Variants in BACE2 observed in about 807,000 individuals in gnomAD.
BACE2 encodes the protein 56 kDa aspartic-like protease.
In BACE2, 17 loss-of-function variants were observed where a neutral mutation model predicts 46.2. That is an observed-to-expected ratio of 0.37 (90% CI 0.25 to 0.55). The LOEUF is 0.55. Ranked by LOEUF, BACE2 falls within the 20% of genes least tolerant of loss-of-function variation. BACE2 has a pLI of 0.82. For missense variants in BACE2, 595 were observed against 698.1 expected, an observed-to-expected ratio of 0.85 and a Z score of 1.66; for synonymous variants, 277 against 295.9, an observed-to-expected ratio of 0.94 and a Z score of 0.66.
At chr21:41,253,496 G>A (rs1247369263) in intron 7 of BACE2, among the ~76,000 whole-genome samples, 2 of 151,716 alleles carry the variant, frequency 1.3e-5, no homozygotes, top group African/African-American at 4.8e-5. Flanking sequence ...GGCTAGTAGA[G>A]CGGCAAAATG....
intron 2 of BACE2, among the ~76,000 whole-genome samples, chr21:41,231,845 C>G (rs1056531591): frequency 2.0e-5 from 3 of 151,996 alleles, no homozygotes; most frequent in Non-Finnish European, 4.4e-5. Context: ...GCATTTTAGT[C>G]GCAAGAGGTG....
At chr21:41,259,807 GTTTTCTTTT>G (rs1732850678) in intron 8 of BACE2, among the ~76,000 whole-genome samples, 1 of 148,528 alleles carries the variant, frequency 6.7e-6, no homozygotes, top group South Asian at 2.1e-4. Flanking sequence ...TCTTTCTTTT[GTTTTCTTTT>G]TTTTCTTTTT....
intron 1 of BACE2, among the ~76,000 whole-genome samples, chr21:41,188,710 A>T (rs1173012140): frequency 6.6e-6 from 1 of 152,246 alleles, no homozygotes; most frequent in Non-Finnish European, 1.5e-5. Context: ...CATAAGGAAC[A>T]ATAGATAAGA....
At chr21:41,187,177 A>G (rs957615679) in intron 1 of BACE2, among the ~76,000 whole-genome samples, 5 of 152,198 alleles carry the variant, frequency 3.3e-5, no homozygotes, top group African/African-American at 1.2e-4. Context: ...GAGAGGTGAC[A>G]TCAGATAGAT....
intron 1 of BACE2, among the ~76,000 whole-genome samples, chr21:41,222,964 G>A (rs1986702003): frequency 6.6e-6 from 1 of 152,194 alleles, no homozygotes; most frequent in Non-Finnish European, 1.5e-5. Flanking sequence ...GGGGCAGCTG[G>A]AGCTCAATTC....
chr21:41,277,411 C>T lies in BACE2; in HGVS notation c.*1787C>T, dbSNP rs1231631619. On this transcript the variant is annotated 3_prime_UTR_variant, in exon 9 of 9. Coordinates refer to ENST00000330333, the MANE Select transcript of BACE2 (RefSeq NM_012105.5). ...GAACGGGAGGAGGGGGCTCTTGTAT[C>T]AGGGCCCGTTGTCACATCCGCTCTC... The T allele has an allele frequency of 6.6e-6, 1 of 152,192 alleles. No individual in the cohort carries two copies. The highest frequency in any genetic ancestry group is 1.5e-5 in the Non-Finnish European group (1 of 68,056). 9.4% of individuals were successfully genotyped at this position (152,192 alleles called of 1,614,324 possible).
intron 8 of BACE2, among the ~76,000 whole-genome samples, chr21:41,259,582 G>A (rs1018143686): frequency 6.7e-6 from 1 of 149,996 alleles, no homozygotes; most frequent in African/African-American, 2.5e-5. Flanking sequence ...TTAAAAATTT[G>A]TCTTAGAAAT....
At chr21:41,208,149 C>G (rs778434123) in intron 1 of BACE2, among the ~76,000 whole-genome samples, 19 of 152,208 alleles carry the variant, frequency 1.2e-4, no homozygotes, top group Non-Finnish European at 2.8e-4. Flanking sequence ...TCACGACCCA[C>G]ATGTAAGAAT....
At chr21:41,236,714 C>CA in intron 2 of BACE2, 1 of 152,362 alleles carries the variant, frequency 6.6e-6, no homozygotes, top group African/African-American at 2.4e-5. Flanking sequence ...TGAACCTGAA[C>CA]TCCAGCTGCT....
At chr21:41,226,401 G>T (rs781693501) in intron 2 of BACE2, 47 bp downstream of exon 2, 2 of 1,514,082 alleles carry the variant, frequency 1.3e-6, no homozygotes, top group South Asian at 2.4e-5. Flanking sequence ...GGCACTGCAT[G>T]ATCAACATGC....
chr21:41,178,459 G>T (rs1164137365), intron 1 of BACE2: 2 of 152,282 alleles, frequency 1.3e-5, no homozygotes, highest in African/African-American at 2.4e-5. Context: ...CATTGGCTGG[G>T]TGTGGCGGCT....
intron 2 of BACE2, among the ~76,000 whole-genome samples, chr21:41,235,885 T>C (rs1338408993): frequency 6.7e-6 from 1 of 150,268 alleles, no homozygotes; most frequent in Non-Finnish European, 1.5e-5. Flanking sequence ...AATGAACAAA[T>C]GATCATGTCA....
chr21:41,195,097 A>G (rs1277730702), intron 1 of BACE2, among the ~76,000 whole-genome samples: 2 of 152,222 alleles, frequency 1.3e-5, no homozygotes, highest in Admixed American at 6.5e-5. Flanking sequence ...CTGGCCAGCT[A>G]CCTGTTTTTA....
Position 41,246,093 on chromosome 21 carries a change from G to A in BACE2, c.984+30G>A, listed in dbSNP as rs754754127. On this transcript the variant is annotated intron_variant, in intron 6 of 8. Coordinates refer to ENST00000330333, the MANE Select transcript of BACE2 (RefSeq NM_012105.5). ...GTCCTCGGGACACTCACGGGTCCCC[G>A]AGTTGCTGAGTTACAGTCACCTGCT... is the stretch of plus-strand genomic sequence containing the variant. 1.4e-5 allele frequency: 22 copies of A among 1,539,786 alleles called. No homozygotes were observed. The East Asian group carries it at 2.4e-4, about 17-fold the overall frequency.
chr21:41,218,806 T>G (rs1488854400), intron 1 of BACE2, among the ~76,000 whole-genome samples: 1 of 151,714 alleles, frequency 6.6e-6, no homozygotes, highest in African/African-American at 2.4e-5. Flanking sequence ...AATGTTATAA[T>G]CCAGCACTTC....
intron 1 of BACE2, chr21:41,176,263 A>G (rs920024487): frequency 3.9e-5 from 6 of 152,250 alleles, no homozygotes; most frequent in African/African-American, 1.4e-4. Context: ...TCAGTGACCG[A>G]GAGCAGAGCT....
At chr21:41,187,636 CTG>C (rs1414327758) in intron 1 of BACE2, among the ~76,000 whole-genome samples, 2 of 152,134 alleles carry the variant, frequency 1.3e-5, no homozygotes, top group African/African-American at 4.8e-5. Flanking sequence ...CCTGTCATTG[CTG>C]TGTAGTTCCT....
At chr21:41,201,867 C>T (rs1985977232) in intron 1 of BACE2, among the ~76,000 whole-genome samples, 1 of 152,136 alleles carries the variant, frequency 6.6e-6, no homozygotes, top group African/African-American at 2.4e-5. Context: ...CAATATTTCC[C>T]AAACTAGCAA....
intron 2 of BACE2, among the ~76,000 whole-genome samples, chr21:41,228,836 A>G (rs1986893511): frequency 6.6e-6 from 1 of 152,240 alleles, no homozygotes; most frequent in Non-Finnish European, 1.5e-5. Context: ...AAGTTCCAAG[A>G]AAAACAGAAA....
Sources: allele counts gnomAD v4.1 joint callset (sites outside exome capture counted in the v4.1 genomes callset), GRCh38; gene constraint gnomAD v4.1.1; transcripts MANE v1.5; gene names NCBI Gene and HGNC (gene_info 2026-07-23, HGNC 2026-07-21).